ULK4: variants seen among roughly 807,000 people sequenced by gnomAD.
ULK4 encodes inactive serine/threonine-protein kinase ULK4.
ULK4 carries 133 observed loss-of-function variants against 160.6 expected under a neutral mutation model. The observed-to-expected ratio is 0.83, with a 90% CI of 0.72 to 0.96. The LOEUF is 0.96. Among genes scored for constraint, ULK4 ranks in the 40% least tolerant of loss-of-function variants. ULK4 has a pLI of 0.00. For missense variants in ULK4, 1,580 were observed against 1,499.5 expected (o/e 1.05, Z -0.89); for synonymous variants, 534 against 539.8 (o/e 0.99, Z 0.15).
chr3:41,860,345 G>A (rs1000304776), intron 17 of ULK4, among the ~76,000 whole-genome samples: 1 of 152,090 alleles, frequency 6.6e-6, no homozygotes, highest in Non-Finnish European at 1.5e-5. Flanking sequence ...AGCCATTATT[G>A]TATCAAGGCC....
At chr3:41,586,398 G>T (rs1385718783) in intron 31 of ULK4, among the ~76,000 whole-genome samples, 3 of 152,058 alleles carry the variant, frequency 2.0e-5, no homozygotes, top group African/African-American at 7.2e-5. Flanking sequence ...AGTCACAAAA[G>T]GAAAAATGCT....
intron 31 of ULK4, among the ~76,000 whole-genome samples, chr3:41,607,847 C>T (rs1029178661): frequency 6.6e-6 from 1 of 152,210 alleles, no homozygotes; most frequent in African/African-American, 2.4e-5. Context: ...CACTCTACCA[C>T]TGCTGCTATG....
At chr3:41,262,616 C>T (rs1239396356) in intron 35 of ULK4, among the ~76,000 whole-genome samples, 2 of 152,176 alleles carry the variant, frequency 1.3e-5, no homozygotes, top group African/African-American at 2.4e-5. Flanking sequence ...CTAGAGGCTA[C>T]AGAAGTAACA....
chr3:41,777,767 AT>A (rs1364899677), intron 21 of ULK4, among the ~76,000 whole-genome samples: 1 of 135,852 alleles, frequency 7.4e-6, no homozygotes, highest in Admixed American at 7.4e-5. Context: ...TTCTAGTTTG[AT>A]TGCACTGTGG....
rs563288468 is a variant in ULK4, at chr3:41,347,412, T to A, written c.3678+50667A>T. On this transcript the variant is annotated intron_variant, in intron 35 of 36. Coordinates refer to ENST00000301831, the MANE Select transcript of ULK4 (RefSeq NM_017886.4). ...CATTCCAGCAAGTAAACAAGACAGA[T>A]GTTTTGTGCTCCAGCTCTCAAAAAT... 3.9e-5 allele frequency among the ~76,000 whole-genome samples: 6 copies of A among 152,308 alleles called. No homozygotes were observed. In the South Asian group the frequency reaches 1.2e-3, roughly 32 times the overall value.
At chr3:41,883,123 T>C (rs749310540) in intron 17 of ULK4, among the ~76,000 whole-genome samples, 2 of 152,178 alleles carry the variant, frequency 1.3e-5, no homozygotes, top group Admixed American at 6.5e-5. Context: ...CCAGACACTA[T>C]AAGGCCAGCT....
chr3:41,768,328 A>G (rs2039237290), intron 21 of ULK4, among the ~76,000 whole-genome samples: 1 of 152,184 alleles, frequency 6.6e-6, no homozygotes, highest in Non-Finnish European at 1.5e-5. Flanking sequence ...TGTAGTAAAT[A>G]CTCCATCTAT....
chr3:41,437,791 A>G (rs1280797053), intron 34 of ULK4, among the ~76,000 whole-genome samples: 1 of 152,222 alleles, frequency 6.6e-6, no homozygotes, highest in Non-Finnish European at 1.5e-5. Flanking sequence ...ATTTTCTAAT[A>G]CTAATTAAAA....
intron 21 of ULK4, among the ~76,000 whole-genome samples, chr3:41,782,342 C>T (rs1240252153): frequency 6.6e-6 from 1 of 152,128 alleles, no homozygotes; most frequent in East Asian, 1.9e-4. Context: ...TTCTACCAGA[C>T]ACTCTGATGT....
At chr3:41,286,952 A>G (rs1018611910) in intron 35 of ULK4, among the ~76,000 whole-genome samples, 7 of 152,210 alleles carry the variant, frequency 4.6e-5, no homozygotes, top group African/African-American at 1.7e-4. Context: ...AGGACCTAGA[A>G]GTTTAGACCA....
chr3:41,943,493 T>A (rs182376912), intron 2 of ULK4, among the ~76,000 whole-genome samples: 12 of 152,286 alleles, frequency 7.9e-5, no homozygotes, highest in Admixed American at 2.0e-4. Flanking sequence ...CTGCAGCTAC[T>A]CAAGCAGGTA....
rs1219501790 is a variant in ULK4 at position 41,681,521 on chromosome 3, C to T, written c.2965G>A (p.Val989Ile). Reference protein sequence around the residue: ...DSNLLALIRDVLLPQYEHILL... With the variant: ...DSNLLALIRDILLPQYEHILL... ...CATGATACTTACTGGGGAAGTAAGA[C>T]ATCTCGAATGAGAGCCAGAAGATTG... The change falls in exon 29 of 37, where the codon GTC becomes ATC. Residue 989 changes from valine (V) to isoleucine (I), a missense_variant. Transcript: ENST00000301831. The T allele has an allele frequency of 2.5e-6, 4 of 1,613,998 alleles. No individual in the cohort carries two copies. The South Asian group carries it at 3.3e-5, about 13-fold the overall frequency.
intron 29 of ULK4, among the ~76,000 whole-genome samples, chr3:41,680,845 T>C (rs1053184677): frequency 1.3e-5 from 2 of 152,208 alleles, no homozygotes; most frequent in African/African-American, 4.8e-5. Flanking sequence ...AAAATCTTCT[T>C]TAATATTGAC....
intron 32 of ULK4, among the ~76,000 whole-genome samples, chr3:41,563,338 G>A (rs1411440907): frequency 6.6e-6 from 1 of 152,050 alleles, no homozygotes; most frequent in Non-Finnish European, 1.5e-5. Context: ...TATGTGTCTT[G>A]GGGTTGCTCT....
At chr3:41,763,723 G>A (rs998424069) in intron 21 of ULK4, among the ~76,000 whole-genome samples, 9 of 152,168 alleles carry the variant, frequency 5.9e-5, no homozygotes, top group African/African-American at 1.9e-4. Context: ...ACACCTGCCA[G>A]GAGGATTGCT....
Position 41,522,856 on chromosome 3 carries a change from G to A in ULK4, c.3226+43169C>T, listed in dbSNP as rs1418008934. On this transcript the variant is annotated intron_variant, in intron 32 of 36. Transcript: ENST00000301831. ...GTGCCAGCTGTGTGTTATCACAAGA[G>A]GAACTGGGTAAGAACTGGTGAAAAA... Among the ~76,000 whole-genome samples, 6 of 152,174 alleles carry A rather than the reference G, an allele frequency of 3.9e-5. No homozygotes were observed. In the East Asian group the frequency reaches 7.7e-4, roughly 20 times the overall value.
intron 34 of ULK4, among the ~76,000 whole-genome samples, chr3:41,400,508 A>G (rs1288979258): frequency 6.6e-6 from 1 of 152,210 alleles, no homozygotes; most frequent in African/African-American, 2.4e-5. Context: ...TTGTGTATCA[A>G]TAGTTCATTT....
chr3:41,763,481 A>G (rs2039056708), intron 21 of ULK4, among the ~76,000 whole-genome samples: 1 of 152,240 alleles, frequency 6.6e-6, no homozygotes, highest in Non-Finnish European at 1.5e-5. Context: ...GAGGGCAATT[A>G]CCATTGCTGG....
chr3:41,663,330 T>G (rs2035247033), intron 30 of ULK4, among the ~76,000 whole-genome samples: 1 of 152,204 alleles, frequency 6.6e-6, no homozygotes, highest in Non-Finnish European at 1.5e-5. Flanking sequence ...CACCAATTTT[T>G]AAAGTACATA....
Sources: allele counts gnomAD v4.1 joint callset (sites outside exome capture counted in the v4.1 genomes callset), GRCh38; gene constraint gnomAD v4.1.1; transcripts MANE v1.5; gene names NCBI Gene and HGNC (gene_info 2026-07-23, HGNC 2026-07-21).